Variants in PCDHGA9 observed in about 807,000 individuals in gnomAD.
PCDHGA9 encodes the protein protocadherin gamma subfamily A, 9.
PCDHGA9 carries 37 observed loss-of-function variants against 62.5 expected under a neutral mutation model. The ratio of observed to expected loss-of-function variants is 0.59; its 90% CI spans 0.46 to 0.78. The LOEUF (loss-of-function observed/expected upper bound fraction) is 0.78, where lower values mean the gene tolerates loss of function less well. Among genes scored for constraint, PCDHGA9 ranks in the 30% least tolerant of loss-of-function variants. The probability of loss-of-function intolerance (pLI) is 0.00; values close to 1 mark genes in which losing one functional copy is unlikely to be tolerated. For missense variants in PCDHGA9, 1,138 were observed against 1,166.2 expected (o/e 0.98, Z 0.35); for synonymous variants, 459 against 484.6 (o/e 0.95, Z 0.69).
rs560662076 is a variant in PCDHGA9, at chr5:141,498,856, C to A, written c.2483+3991C>A. Among the ~76,000 whole-genome samples, 72 of 152,004 alleles carry A rather than the reference C, an allele frequency of 4.7e-4. 2 individuals carry two copies. Among genetic ancestry groups the A allele is most frequent in the African/African-American group, 1.7e-3 (69 of 41,430 alleles). ...GCTGAGGCAGGGGAATCGCTTGAACCCAGGAGGCGGAGGTTGCAGTGAGCT... is the reference window on the plus strand; with the variant it reads ...GCTGAGGCAGGGGAATCGCTTGAACACAGGAGGCGGAGGTTGCAGTGAGCT... On this transcript the variant is annotated intron_variant, in intron 2 of 3. Coordinates refer to ENST00000573521, the MANE Select transcript of PCDHGA9 (RefSeq NM_018921.3).
At chr5:141,510,898 T>C in intron 3 of PCDHGA9, 49 bp from the exon 4 acceptor site, 1 of 1,613,278 alleles carries the variant, frequency 6.2e-7, no homozygotes, top group Non-Finnish European at 8.5e-7. Context: ...ACAGTGACTG[T>C]TGAGGACCCT....
intron 1 of PCDHGA9, among the ~76,000 whole-genome samples, chr5:141,481,593 G>A (rs575017133): frequency 1.3e-5 from 2 of 152,172 alleles, no homozygotes; most frequent in African/African-American, 2.4e-5. Context: ...TGAGGCCAGC[G>A]GATCACCTGA....
intron 1 of PCDHGA9, chr5:141,410,760 A>G: frequency 8.5e-7 from 1 of 1,177,482 alleles, no homozygotes; most frequent in Non-Finnish European, 1.2e-6. Flanking sequence ...ATGTTTTTTC[A>G]ATTATAGTTT....
chr5:141,423,648 G>T, intron 1 of PCDHGA9: 1 of 1,590,008 alleles, frequency 6.3e-7, no homozygotes, highest in Admixed American at 1.8e-5. Context: ...AATGTGACCC[G>T]ACAAGTAATC....
At position 141,403,226 on chromosome 5, in the gene PCDHGA9, CG is replaced by C. The variant is rs539681713; in HGVS notation, c.277del (p.Glu93ArgfsTer12). On this transcript the variant is annotated frameshift_variant, in exon 1 of 4. Transcript: ENST00000573521. LOFTEE classifies it high-confidence loss of function. ...GTLVTAGRID[R>X]EELCAQSPRC... Reference sequence around the variant, plus strand: ...CTTGGTCACCGCGGGTAGGATAGACCGGGAGGAGCTCTGTGCTCAGAGCCCG... The same window carrying C: ...CTTGGTCACCGCGGGTAGGATAGACCGGAGGAGCTCTGTGCTCAGAGCCCG... 1.5e-3 allele frequency: 2,492 copies of C among 1,613,926 alleles called. 3 individuals are homozygous for C. The highest frequency in any genetic ancestry group is 1.8e-3 in the Non-Finnish European group (2,143 of 1,179,902).
chr5:141,474,260 A>G (rs1459875243), intron 1 of PCDHGA9, among the ~76,000 whole-genome samples: 1 of 152,170 alleles, frequency 6.6e-6, no homozygotes, highest in Non-Finnish European at 1.5e-5. Flanking sequence ...AGACTGATAA[A>G]CCAGTGTATC....
At chr5:141,475,315 A>G (rs766425496) in intron 1 of PCDHGA9, among the ~76,000 whole-genome samples, 2 of 152,182 alleles carry the variant, frequency 1.3e-5, no homozygotes, top group Non-Finnish European at 2.9e-5. Flanking sequence ...CCTGGTTCTT[A>G]AGAAATGAGA....
At chr5:141,428,184 C>A in intron 1 of PCDHGA9, 32 of 1,463,670 alleles carry the variant, frequency 2.2e-5, no homozygotes, top group Non-Finnish European at 3.0e-5. Context: ...GGAGGACAGC[C>A]GCCGCTCTCT....
intron 2 of PCDHGA9, among the ~76,000 whole-genome samples, chr5:141,502,352 C>G (rs544911376): frequency 3.2e-4 from 49 of 151,888 alleles, no homozygotes; most frequent in African/African-American, 1.2e-3. Flanking sequence ...TTTTTAATGA[C>G]ATGGATATTT....
intron 1 of PCDHGA9, chr5:141,422,094 T>C: frequency 1.2e-6 from 2 of 1,610,648 alleles, no homozygotes; most frequent in Non-Finnish European, 1.7e-6. Flanking sequence ...AAAGCAAGGC[T>C]TCTGAAATAT....
chr5:141,425,943 C>A (rs2096904576), intron 1 of PCDHGA9, among the ~76,000 whole-genome samples: 1 of 152,220 alleles, frequency 6.6e-6, no homozygotes, highest in Non-Finnish European at 1.5e-5. Flanking sequence ...TGTCTAGTTT[C>A]CTATACATTA....
In PCDHGA9 at chr5:141,502,866, CT is replaced by C. The variant is rs549047197; in HGVS notation, c.2484-2513del. Among the ~76,000 whole-genome samples the C allele has an allele frequency of 2.5e-3, 324 of 127,930 alleles. 1 individual carries two copies. Among genetic ancestry groups the C allele is most frequent in the Non-Finnish European group, 3.0e-3 (189 of 62,366 alleles). 83.9% of individuals were successfully genotyped at this position (127,930 alleles called of 152,430 possible). On this transcript the variant is annotated intron_variant, in intron 2 of 3. Transcript: ENST00000573521. ...GAGCTGCCTAACCCTGACTCTCTGT[CT>C]TTTTTTTTTTTTTGACAGGGAGTCT...
In PCDHGA9 at chr5:141,462,551, G is replaced by C. The variant is rs57555347; in HGVS notation, c.2425-32256G>C. 8.3e-3 allele frequency among the ~76,000 whole-genome samples: 1,259 copies of C among 151,854 alleles called. 17 individuals carry two copies. The highest frequency in any genetic ancestry group is 0.029 in the African/African-American group (1,196 of 41,422). ...TTGTTCAGTGATCTTTTCTTCTTCA[G>C]TGTTTACTGTATTTGCTAATCCCAT... On this transcript the variant is annotated intron_variant, in intron 1 of 3. Transcript: ENST00000573521.
intron 2 of PCDHGA9, among the ~76,000 whole-genome samples, chr5:141,501,420 T>C (rs1429838126): frequency 6.6e-6 from 1 of 152,006 alleles, no homozygotes; most frequent in Non-Finnish European, 1.5e-5. Context: ...AATAGTTGAC[T>C]AAATGTAGTC....
At chr5:141,422,292 T>C in intron 1 of PCDHGA9, 1 of 1,552,434 alleles carries the variant, frequency 6.4e-7, no homozygotes. Context: ...CTTCTATTAA[T>C]TCAATTCTGG....
intron 1 of PCDHGA9, chr5:141,418,768 T>C (rs1216316680): frequency 6.2e-7 from 1 of 1,613,712 alleles, no homozygotes; most frequent in Non-Finnish European, 8.5e-7. Context: ...ACATTCTAAC[T>C]CAGCAGCCTT....
Position 141,490,600 on chromosome 5 carries a change from T to G in PCDHGA9, c.2425-4207T>G. 6.2e-7 allele frequency: 1 copy of G among 1,614,164 alleles called. No homozygotes were observed. Among genetic ancestry groups the G allele is most frequent in the South Asian group, 1.1e-5 (1 of 91,072 alleles). ...AGATGTCAATGACAATGCACCCCGCTTCAACCAGCAGCTTTACACTGCTTA... is the reference window on the plus strand; with the variant it reads ...AGATGTCAATGACAATGCACCCCGCGTCAACCAGCAGCTTTACACTGCTTA... On this transcript the variant is annotated intron_variant, in intron 1 of 3. Coordinates refer to ENST00000573521, the MANE Select transcript of PCDHGA9 (RefSeq NM_018921.3). The surrounding 1 kb of genome is among the most constrained non-coding windows in gnomAD (Gnocchi z 5.4).
chr5:141,431,974 CA>C lies in PCDHGA9; in HGVS notation c.2424+26599del, dbSNP rs1419355804. The C allele has an allele frequency of 1.2e-6, 2 of 1,614,174 alleles. No individual in the cohort carries two copies. The highest frequency in any genetic ancestry group is 1.3e-5 in the African/African-American group (1 of 75,058). On this transcript the variant is annotated intron_variant, in intron 1 of 3. Transcript: ENST00000573521. This position sits in a 1 kb window ranked among gnomAD's most constrained non-coding sequence, Gnocchi z 4.8. ...CTTACGGAAATTACTATAGTTTAGT[CA>C]CAGACATAGTCTTGGATAGGGAACA... is the stretch of plus-strand genomic sequence containing the variant.
intron 1 of PCDHGA9, among the ~76,000 whole-genome samples, chr5:141,455,959 G>T (rs112864392): frequency 0.11 from 16,680 of 150,504 alleles, 1,459 homozygotes; most frequent in African/African-American, 0.24. Context: ...GTGCAGTGGC[G>T]CGATCTCAGC....
Sources: allele counts gnomAD v4.1 joint callset (sites outside exome capture counted in the v4.1 genomes callset), GRCh38; gene constraint gnomAD v4.1.1; non-coding constraint Gnocchi (gnomAD v3.1); transcripts MANE v1.5; gene names NCBI Gene and HGNC (gene_info 2026-07-23, HGNC 2026-07-21).